MYL10: variants seen among roughly 807,000 people sequenced by gnomAD.
The protein encoded by MYL10 is myosin regulatory light chain 10.
Under a neutral mutation model 21.9 loss-of-function variants are expected in MYL10, and 18 were observed. The ratio of observed to expected loss-of-function variants is 0.82; its 90% confidence interval spans 0.57 to 1.22. The LOEUF is 1.22. Among genes scored for constraint, MYL10 ranks in the 50% most tolerant of loss-of-function variants. The pLI is 0.00. For missense variants in MYL10, 225 were observed against 230.4 expected (o/e 0.98, Z 0.15); for synonymous variants, 88 against 82.8 (o/e 1.06, Z -0.34).
intron 6 of MYL10, among the ~76,000 whole-genome samples, chr7:101,615,867 TTTA>T (rs1202768041): frequency 6.6e-6 from 1 of 151,588 alleles, no homozygotes; most frequent in Non-Finnish European, 1.5e-5. Context: ...GCTAATTTTT[TTTA>T]TTATTTTCAG....
chr7:101,620,199 C>A (rs561882351), intron 5 of MYL10, among the ~76,000 whole-genome samples: 86 of 152,168 alleles, frequency 5.7e-4, no homozygotes, highest in African/African-American at 2.0e-3. Flanking sequence ...GTGGCGGGTG[C>A]CTGTAATCCC....
At chr7:101,617,808 G>GATCAGACT (rs1243564273) in intron 5 of MYL10, among the ~76,000 whole-genome samples, 48 of 130,504 alleles carry the variant, frequency 3.7e-4, no homozygotes, top group African/African-American at 1.2e-3. Context: ...GTGTCTCCCC[G>GATCAGACT]ATCAGACTGG....
intron 4 of MYL10, among the ~76,000 whole-genome samples, chr7:101,622,574 C>T (rs751509526): frequency 1.3e-5 from 2 of 152,134 alleles, no homozygotes; most frequent in African/African-American, 2.4e-5. Flanking sequence ...CCCAGGGGAT[C>T]AGGGCCTGGT....
intron 6 of MYL10, among the ~76,000 whole-genome samples, chr7:101,615,418 G>A (rs1043665722): frequency 6.6e-5 from 10 of 151,410 alleles, no homozygotes; most frequent in African/African-American, 2.2e-4. Flanking sequence ...CAGGGCAGAC[G>A]CAGGGTCCAG....
chr7:101,613,731 G>C lies in MYL10; in HGVS notation c.534-21C>G, dbSNP rs552381204. ...TGATGCTGTTCAAGGGAGAGACACA[G>C]TCATGTTCAGGGAACGGGATACCCA... On this transcript the variant is annotated intron_variant, in intron 6 of 7. Transcript: ENST00000223167. 8 of 1,613,568 alleles carry C rather than the reference G, an allele frequency of 5.0e-6. No individual in the cohort carries two copies. The South Asian group carries it at 8.8e-5, about 18-fold the overall frequency.
At chr7:101,628,818 G>C (rs1796775384) in intron 1 of MYL10, among the ~76,000 whole-genome samples, 2 of 152,208 alleles carry the variant, frequency 1.3e-5, no homozygotes, top group South Asian at 2.1e-4. Context: ...TTCAGCCCCG[G>C]GTACAGCTGA....
intron 1 of MYL10, among the ~76,000 whole-genome samples, chr7:101,625,954 C>T (rs1171081143): frequency 6.6e-6 from 1 of 151,216 alleles, no homozygotes; most frequent in African/African-American, 2.4e-5. Context: ...CCCCACCCTA[C>T]ACTGTCCCAG....
At chr7:101,627,348 G>GGGCAGGGGCAGA in intron 1 of MYL10, 1 of 151,058 alleles carries the variant, frequency 6.6e-6, no homozygotes, top group South Asian at 2.0e-4. Flanking sequence ...GCAGGGGCAG[G>GGGCAGGGGCAGA]GGCAGGGGTG....
chr7:101,622,915 C>T (rs1370223569), intron 4 of MYL10, 82 bp downstream of exon 4: 8 of 1,318,276 alleles, frequency 6.1e-6, no homozygotes, highest in East Asian at 2.4e-5. Flanking sequence ...ACGCTCACCG[C>T]GAGCCCTGCC....
intron 5 of MYL10, among the ~76,000 whole-genome samples, chr7:101,621,696 C>T (rs1485094061): frequency 6.6e-6 from 1 of 152,094 alleles, no homozygotes; most frequent in African/African-American, 2.4e-5. Context: ...TCAAGTGATC[C>T]TCCCACCTCA....
chr7:101,623,895 G>T, intron 3 of MYL10, 25 bp downstream of exon 3: 1 of 297,640 alleles, frequency 3.4e-6, no homozygotes. Context: ...TGGGCATGGT[G>T]GTGCGTGCCT....
intron 5 of MYL10, 115 bp downstream of exon 5, chr7:101,621,981 G>T: frequency 1.3e-6 from 1 of 771,022 alleles, no homozygotes; most frequent in Non-Finnish European, 2.1e-6. Flanking sequence ...GCTGGTGTCT[G>T]GGGCCACATC....
intron 5 of MYL10, among the ~76,000 whole-genome samples, chr7:101,618,785 G>C (rs146737831): frequency 3.3e-5 from 5 of 151,946 alleles, no homozygotes; most frequent in Admixed American, 6.6e-5. Context: ...CGGAGCCCCA[G>C]TCCCGGCGCC....
At chr7:101,622,005 TG>T in intron 5 of MYL10, 90 bp downstream of exon 5, 1 of 965,954 alleles carries the variant, frequency 1.0e-6, no homozygotes, top group Non-Finnish European at 1.6e-6. Flanking sequence ...CTCCCACCTG[TG>T]GTGTGTATGT....
chr7:101,622,438 CTG>C (rs1796691404), intron 4 of MYL10, among the ~76,000 whole-genome samples: 1 of 152,132 alleles, frequency 6.6e-6, no homozygotes, highest in African/African-American at 2.4e-5. Context: ...GGTGAAGAAA[CTG>C]AGGCCCAAGA....
At chr7:101,619,806 C>T (rs1482581393) in intron 5 of MYL10, among the ~76,000 whole-genome samples, 6 of 145,128 alleles carry the variant, frequency 4.1e-5, no homozygotes, top group East Asian at 2.0e-4. Context: ...AGGAGAATGG[C>T]GTGAACCCGG....
At chr7:101,624,535 C>T (rs1338923359) in intron 1 of MYL10, among the ~76,000 whole-genome samples, 3 of 152,338 alleles carry the variant, frequency 2.0e-5, no homozygotes, top group South Asian at 2.1e-4. Context: ...GGTGGGCAGC[C>T]GGTGCCCGTG....
chr7:101,624,007 C>A lies in MYL10; in HGVS notation c.186G>T (p.Ser62=). Residue 62 remains serine (S), a synonymous_variant, in exon 3 of 8, where the codon TCG becomes TCT. Coordinates refer to ENST00000223167, the MANE Select transcript of MYL10 (RefSeq NM_138403.5). ...IQEFKESLAL[S]PRLERNGMIS... Reference sequence around the variant, plus strand: ...TCATGCCATTGCGCTCCAGCCTGGGCGACAGAGCCAGACTCTGTCAAACAA... The same window carrying A: ...TCATGCCATTGCGCTCCAGCCTGGGAGACAGAGCCAGACTCTGTCAAACAA... The A allele has an allele frequency of 1.7e-6, 1 of 605,628 alleles. No homozygotes were observed. Among genetic ancestry groups the A allele is most frequent in the Non-Finnish European group, 2.9e-6 (1 of 341,568 alleles). 37.5% of individuals were successfully genotyped at this position (605,628 alleles called of 1,614,324 possible).
intron 5 of MYL10, among the ~76,000 whole-genome samples, chr7:101,618,339 C>T (rs371583041): frequency 3.9e-5 from 6 of 152,186 alleles, no homozygotes; most frequent in African/African-American, 1.2e-4. Context: ...CAGAGCATCA[C>T]GTGGGGCACC....
Sources: gnomAD v4.1 joint callset for allele counts (sites outside exome capture counted in the v4.1 genomes callset) on GRCh38, gnomAD v4.1.1 for gene constraint, MANE v1.5 for transcripts, NCBI Gene and HGNC (gene_info 2026-07-23, HGNC 2026-07-21) for gene names.